Variants in VPS35L observed in about 807,000 individuals in gnomAD.
VPS35L encodes VPS35 endosomal protein sorting factor like.
A neutral mutation model predicts 133.0 loss-of-function variants in VPS35L; 83 were observed. The ratio of observed to expected loss-of-function variants is 0.62; its 90% confidence interval spans 0.52 to 0.75. The LOEUF is 0.75. Among genes scored for constraint, VPS35L ranks in the 30% least tolerant of loss-of-function variants. The probability of loss-of-function intolerance (pLI) is 0.00; values close to 1 mark genes in which losing one functional copy is unlikely to be tolerated. For synonymous variants in VPS35L, 423 were observed against 449.9 expected (o/e 0.94, Z 0.76); for missense variants, 1,083 against 1,206.8 (o/e 0.90, Z 1.52).
intron 26 of VPS35L, among the ~76,000 whole-genome samples, chr16:19,660,228 C>G (rs931802149): frequency 1.3e-5 from 2 of 151,188 alleles, no homozygotes; most frequent in Non-Finnish European, 2.9e-5. Flanking sequence ...GGGAGGCTAA[C>G]AAGGCACGAG....
At position 19,610,379 on chromosome 16, in the gene VPS35L, A is replaced by C. The variant is rs368092484; in HGVS notation, c.987A>C (p.Pro329=). The change falls in exon 12 of 31, where the codon CCA becomes CCC. Residue 329 remains proline (P), a synonymous_variant. Transcript: ENST00000417362. ...LTCMIRGIGD[P]LVSVYARAYL... ...GCATGATCAGAGGGATCGGAGACCCACTAGTGTCGGTGTATGCCCGTGCCT... is the reference window on the plus strand; with the variant it reads ...GCATGATCAGAGGGATCGGAGACCCCCTAGTGTCGGTGTATGCCCGTGCCT... 1.5e-5 allele frequency: 25 copies of C among 1,613,966 alleles called. No homozygotes were observed. Among genetic ancestry groups the C allele is most frequent in the Non-Finnish European group, 8.5e-7 (1 of 1,180,012 alleles).
intron 26 of VPS35L, among the ~76,000 whole-genome samples, chr16:19,668,356 A>G (rs1391593717): frequency 6.6e-6 from 1 of 152,102 alleles, no homozygotes; most frequent in East Asian, 1.9e-4. Flanking sequence ...TGGCAGTTTT[A>G]GAAAGAACTT....
Position 19,573,198 on chromosome 16 carries a change from G to A in VPS35L, c.365G>A (p.Gly122Glu), listed in dbSNP as rs756307949. The A allele has an allele frequency of 9.9e-6, 16 of 1,613,874 alleles. No individual in the cohort carries two copies. The highest frequency in any genetic ancestry group is 1.4e-5 in the Non-Finnish European group (16 of 1,179,928). ...SDFEPWTNKRGEILARYTTTE... is the reference protein window; with the variant it reads ...SDFEPWTNKREEILARYTTTE... ...TTTGAGCCTTGGACCAACAAACGGG[G>A]AGAAATCCTTGCCCGGTACACCACT... is the stretch of plus-strand genomic sequence containing the variant. Residue 122 changes from glycine to glutamate, a missense_variant, in exon 4 of 31, where the codon GGA (glycine) becomes GAA (glutamate). Transcript: ENST00000417362.
chr16:19,590,563 AATC>A (rs1972013049), intron 7 of VPS35L, among the ~76,000 whole-genome samples: 1 of 152,184 alleles, frequency 6.6e-6, no homozygotes, highest in African/African-American at 2.4e-5. Context: ...GATAAAAGAT[AATC>A]AAAGGTGTTT....
chr16:19,618,028 A>G (rs1239007439), intron 14 of VPS35L: 1 of 144,070 alleles, frequency 6.9e-6, no homozygotes, highest in Non-Finnish European at 1.5e-5. Flanking sequence ...CAGAGGTCGC[A>G]GTGAGCCGAG....
At chr16:19,609,391 A>AG (rs1178492767) in intron 11 of VPS35L, among the ~76,000 whole-genome samples, 1 of 151,966 alleles carries the variant, frequency 6.6e-6, no homozygotes, top group Non-Finnish European at 1.5e-5. Flanking sequence ...AAGAGGTCTG[A>AG]GGGGGTCCTT....
intron 26 of VPS35L, among the ~76,000 whole-genome samples, chr16:19,653,024 G>C (rs999226905): frequency 6.6e-6 from 1 of 152,224 alleles, no homozygotes; most frequent in Admixed American, 6.5e-5. Flanking sequence ...GGTCGTTCCT[G>C]TGGGCAGCTG....
At chr16:19,682,669 C>T (rs58952744) in intron 28 of VPS35L, among the ~76,000 whole-genome samples, 44,126 of 151,984 alleles carry the variant, frequency 0.29, 6,670 homozygotes, top group African/African-American at 0.33. Flanking sequence ...CCAGACCAGC[C>T]TGGCCAACAG....
intron 16 of VPS35L, 60 bp from the exon 17 acceptor site, chr16:19,628,577 G>T: frequency 1.1e-6 from 1 of 909,508 alleles, no homozygotes; most frequent in Non-Finnish European, 1.7e-6. Context: ...TCTTTTCTTT[G>T]AGCTTCAAGT....
chr16:19,699,605 G>A lies in VPS35L; in HGVS notation c.2750G>A (p.Trp917Ter). The A allele has an allele frequency of 6.2e-7, 1 of 1,614,110 alleles. No homozygotes were observed. The highest frequency in any genetic ancestry group is 8.5e-7 in the Non-Finnish European group (1 of 1,180,040). ...CTCAACCAGCTCTCCGTCAACCTGT[G>A]GCACCTGGCACAGAGGCACGGCTGT... Reference protein sequence around the residue: ...NKLNQLSVNLWHLAQRHGCAD... With the variant: ...NKLNQLSVNL Residue 917 changes from tryptophan to a stop codon, truncating the protein, a stop_gained, in exon 30 of 31, where the codon TGG becomes TAG. Transcript: ENST00000417362. LOFTEE classifies it high-confidence loss of function. The surrounding 1 kb of genome is among the most constrained non-coding windows in gnomAD (Gnocchi z 4.2).
chr16:19,669,913 C>T (rs1158823344), intron 27 of VPS35L, among the ~76,000 whole-genome samples: 1 of 152,134 alleles, frequency 6.6e-6, no homozygotes, highest in Non-Finnish European at 1.5e-5. Context: ...TCAGGTGATC[C>T]ACCTGCCTTG....
chr16:19,686,932 C>T (rs1446293989), intron 28 of VPS35L, among the ~76,000 whole-genome samples: 3 of 152,234 alleles, frequency 2.0e-5, no homozygotes, highest in Non-Finnish European at 2.9e-5. Context: ...GACTGGGAGG[C>T]GGAGGTTGCA....
chr16:19,673,468 G>C (rs1167997227), intron 27 of VPS35L, among the ~76,000 whole-genome samples: 1 of 152,194 alleles, frequency 6.6e-6, no homozygotes, highest in Non-Finnish European at 1.5e-5. Flanking sequence ...CCCCATTTCT[G>C]TTGTCCACTT....
At chr16:19,570,549 G>T (rs1971328856) in intron 3 of VPS35L, among the ~76,000 whole-genome samples, 1 of 151,806 alleles carries the variant, frequency 6.6e-6, no homozygotes, top group Non-Finnish European at 1.5e-5. Flanking sequence ...TTCTTCCATA[G>T]CTTTTCCCCT....
Position 19,639,913 on chromosome 16 carries a change from C to T in VPS35L, c.1699-102C>T, listed in dbSNP as rs543211925. ...TCTGACCCGACTCAGAGAGATGAAC[C>T]TCTGTTCTGCTTCTTTGAACTCCAC... On this transcript the variant is annotated intron_variant, in intron 20 of 30. Transcript: ENST00000417362. This position sits in a 1 kb window ranked among gnomAD's most constrained non-coding sequence, Gnocchi z 4.1. 1.4e-5 allele frequency: 14 copies of T among 972,422 alleles called. No individual in the cohort carries two copies. Among genetic ancestry groups the T allele is most frequent in the South Asian group, 1.4e-4 (9 of 64,616 alleles). 60.2% of individuals were successfully genotyped at this position (972,422 alleles called of 1,614,324 possible).
chr16:19,681,913 T>G (rs904775417), intron 27 of VPS35L, among the ~76,000 whole-genome samples: 3 of 151,714 alleles, frequency 2.0e-5, no homozygotes, highest in Non-Finnish European at 4.4e-5. Context: ...CACAGAAAAA[T>G]AAGAGTGTAA....
At chr16:19,620,398 G>A (rs1175229147) in intron 14 of VPS35L, among the ~76,000 whole-genome samples, 1 of 152,146 alleles carries the variant, frequency 6.6e-6, no homozygotes, top group African/African-American at 2.4e-5. Context: ...TGTTATACTA[G>A]TGTCAGTTTC....
At chr16:19,679,466 C>A (rs982137495) in intron 27 of VPS35L, among the ~76,000 whole-genome samples, 3 of 124,128 alleles carry the variant, frequency 2.4e-5, no homozygotes, top group Non-Finnish European at 4.8e-5. Context: ...AGGTTAAGAA[C>A]AATTATTTAT....
chr16:19,564,319 C>T (rs545490815), intron 1 of VPS35L, among the ~76,000 whole-genome samples: 45 of 149,414 alleles, frequency 3.0e-4, no homozygotes, highest in African/African-American at 3.1e-4. Flanking sequence ...CCTCGTGATC[C>T]GCCTGCCTCG....
Sources: gnomAD v4.1 joint callset for allele counts (sites outside exome capture counted in the v4.1 genomes callset) on GRCh38, gnomAD v4.1.1 for gene constraint, Gnocchi (gnomAD v3.1) non-coding constraint, MANE v1.5 for transcripts, NCBI Gene and HGNC (gene_info 2026-07-23, HGNC 2026-07-21) for gene names.